Variants in PHYHIP observed in about 807,000 individuals in gnomAD.
PHYHIP encodes the protein phytanoyl-CoA hydroxylase-interacting protein.
PHYHIP carries 7 observed loss-of-function variants against 26.1 expected under a neutral mutation model. The ratio of observed to expected loss-of-function variants is 0.27; its 90% CI spans 0.15 to 0.50. The LOEUF (loss-of-function observed/expected upper bound fraction) is 0.50, where lower values mean the gene tolerates loss of function less well. Ranked by LOEUF, PHYHIP falls within the 20% of genes least tolerant of loss-of-function variation. The pLI, the probability that PHYHIP is intolerant of heterozygous loss-of-function variation, is 0.98. For synonymous variants in PHYHIP, 206 were observed against 183.4 expected, an observed-to-expected ratio of 1.12 and a Z score of -1.00; for missense variants, 232 against 454.7, an observed-to-expected ratio of 0.51 and a Z score of 4.45.
At chr8:22,231,673 G>A (rs1829870459) in intron 1 of PHYHIP, 123 bp downstream of exon 1, 1 of 152,312 alleles carries the variant, frequency 6.6e-6, no homozygotes, top group Non-Finnish European at 1.5e-5. Flanking sequence ...GGGGGAGAGG[G>A]GACAAGGTCG....
rs761651524 is a variant in PHYHIP, at chr8:22,221,012, A to T, written c.*341T>A. On this transcript the variant is annotated 3_prime_UTR_variant, in exon 5 of 5. Transcript: ENST00000454243. This position sits in a 1 kb window ranked among gnomAD's most constrained non-coding sequence, Gnocchi z 7.9. Reference sequence around the variant, plus strand: ...TGGCCCAGAGGGGCTTCCCTGGGAGAGCCCAGGAGGTGGGCAGGTCTTTGG... The same window carrying T: ...TGGCCCAGAGGGGCTTCCCTGGGAGTGCCCAGGAGGTGGGCAGGTCTTTGG... 8.1e-6 allele frequency: 2 copies of T among 247,822 alleles called. No homozygotes were observed. The highest frequency in any genetic ancestry group is 1.6e-5 in the Non-Finnish European group (2 of 127,698). The allele number at this position is 247,822 out of a possible 1,614,324, so 15.4% of individuals were successfully genotyped here.
intron 1 of PHYHIP, among the ~76,000 whole-genome samples, chr8:22,231,513 ACAGCCACCC>A (rs1376391426): frequency 6.6e-6 from 1 of 152,164 alleles, no homozygotes; most frequent in African/African-American, 2.4e-5. Context: ...GCCCATTCAA[ACAGCCACCC>A]TGCCACAGGG....
chr8:22,230,241 A>T (rs1224525294), intron 1 of PHYHIP, among the ~76,000 whole-genome samples: 1 of 150,762 alleles, frequency 6.6e-6, no homozygotes, highest in Non-Finnish European at 1.5e-5. Flanking sequence ...ACACAGACAC[A>T]CTCCTACCCA....
intron 3 of PHYHIP, among the ~76,000 whole-genome samples, chr8:22,225,543 G>A (rs918059219): frequency 4.6e-5 from 7 of 150,872 alleles, no homozygotes; most frequent in African/African-American, 1.2e-4. Context: ...GCCTGTAATC[G>A]CAGCACTTTG....
At position 22,221,719 on chromosome 8, in the gene PHYHIP, T is replaced by C. The variant is rs1410505941; in HGVS notation, c.627A>G (p.Pro209=). 3.7e-6 allele frequency: 6 copies of C among 1,613,114 alleles called. No homozygotes were observed. The highest frequency in any genetic ancestry group is 3.3e-5 in the Admixed American group (2 of 59,922). The change falls in exon 5 of 5, where the codon CCA becomes CCG. Residue 209 remains proline (P), a synonymous_variant. Coordinates refer to ENST00000454243, the MANE Select transcript of PHYHIP (RefSeq NM_014759.5). The surrounding 1 kb of genome is among the most constrained non-coding windows in gnomAD (Gnocchi z 7.9). ...SPYGRWRFQI[P]AQRLFNPSTN... is the part of the protein sequence containing the mutation. ...TGCTGGGATTGAAGAGGCGCTGAGC[T>C]GGGATCTGGAAGCGCCAGCGGCCGT...
In PHYHIP at chr8:22,224,098, A is replaced by T. The variant is rs889928149; in HGVS notation, c.458+128T>A. The T allele has an allele frequency of 1.7e-5, 12 of 686,920 alleles. No homozygotes were observed. In the African/African-American group the frequency reaches 1.9e-4, roughly 11 times the overall value. The allele number at this position is 686,920 out of a possible 1,614,324, so 42.6% of individuals were successfully genotyped here. ...AGAGCCAGCCTGGTGACGTCAGGAC[A>T]TGTCAACCCTAGAGGAGGGACTGGC... is the stretch of plus-strand genomic sequence containing the variant. On this transcript the variant is annotated intron_variant, in intron 4 of 4. Transcript: ENST00000454243.
chr8:22,223,024 G>T (rs1411999310), intron 4 of PHYHIP, among the ~76,000 whole-genome samples: 1 of 151,984 alleles, frequency 6.6e-6, no homozygotes, highest in Non-Finnish European at 1.5e-5. Flanking sequence ...AGACTCCCAA[G>T]GTCCTCACTG....
rs146023136 is a variant in PHYHIP, at chr8:22,221,055, G to A, written c.*298C>T. 28 of 361,928 alleles carry A rather than the reference G, an allele frequency of 7.7e-5. No homozygotes were observed. In the East Asian group the frequency reaches 1.1e-3, roughly 14 times the overall value. The allele number at this position is 361,928 out of a possible 1,614,324, so 22.4% of individuals were successfully genotyped here. ...GTCTTTGGGAGATAGAGACCTGGAC[G>A]AGGCAAAGAACAGTAGGACAAGGAA... On this transcript the variant is annotated 3_prime_UTR_variant, in exon 5 of 5. Transcript: ENST00000454243. The surrounding 1 kb of genome is among the most constrained non-coding windows in gnomAD (Gnocchi z 7.9).
chr8:22,224,449 C>T (rs935874088), intron 3 of PHYHIP, 106 bp from the exon 4 acceptor site: 16 of 703,332 alleles, frequency 2.3e-5, no homozygotes, highest in South Asian at 4.8e-5. Flanking sequence ...AACCTCTGTC[C>T]GCCAGAGCAG....
chr8:22,221,933 T>C lies in PHYHIP; in HGVS notation c.459-46A>G, dbSNP rs1829638715. On this transcript the variant is annotated intron_variant, in intron 4 of 4. Transcript: ENST00000454243. The surrounding 1 kb of genome is among the most constrained non-coding windows in gnomAD (Gnocchi z 7.9). The stretch of plus-strand genomic sequence containing the variant: ...CACCAAAGGGAAGAGAAGATGTGGC[T>C]GGTGAGCCGGGCTGAGGCTTGGCTG... 3 of 1,447,568 alleles carry C rather than the reference T, an allele frequency of 2.1e-6. No individual in the cohort carries two copies. The highest frequency in any genetic ancestry group is 1.4e-5 in the African/African-American group (1 of 70,752). 89.7% of individuals were successfully genotyped at this position (1,447,568 alleles called of 1,614,324 possible).
chr8:22,221,452 G>C lies in PHYHIP; in HGVS notation c.894C>G (p.Thr298=). ...YTEPVDLSLG[T]LGEISGHQLM... is the part of the protein sequence containing the mutation. ...GCTGGTGCCCACTGATCTCCCCCAG[G>C]GTGCCCAGGGACAGGTCGACGGGCT... Residue 298 remains threonine (T), a synonymous_variant, in exon 5 of 5, where the codon ACC becomes ACG. Coordinates refer to ENST00000454243, the MANE Select transcript of PHYHIP (RefSeq NM_014759.5). The surrounding 1 kb of genome is among the most constrained non-coding windows in gnomAD (Gnocchi z 7.9). 1 of 1,614,162 alleles carries C rather than the reference G, an allele frequency of 6.2e-7. No homozygotes were observed. The highest frequency in any genetic ancestry group is 8.5e-7 in the Non-Finnish European group (1 of 1,180,016).
rs570887409 is a variant in PHYHIP at position 22,231,351 on chromosome 8, A to G, written c.-30+445T>C. Among the ~76,000 whole-genome samples, 121 of 152,364 alleles carry G rather than the reference A, an allele frequency of 7.9e-4. 1 individual carries two copies. Among genetic ancestry groups the G allele is most frequent in the African/African-American group, 2.7e-3 (113 of 41,586 alleles). On this transcript the variant is annotated intron_variant, in intron 1 of 4. Coordinates refer to ENST00000454243, the MANE Select transcript of PHYHIP (RefSeq NM_014759.5). ...CACACACATGTACCTCACGTGTGCC[A>G]GAAAGATATGTTTCTAGACATGCCT...
chr8:22,230,972 C>T (rs138338104), intron 1 of PHYHIP, among the ~76,000 whole-genome samples: 3 of 152,344 alleles, frequency 2.0e-5, no homozygotes, highest in Non-Finnish European at 4.4e-5. Flanking sequence ...CCGGCACACA[C>T]ATGTGTGTTC....
intron 1 of PHYHIP, among the ~76,000 whole-genome samples, chr8:22,231,213 C>G (rs538746554): frequency 6.6e-6 from 1 of 152,026 alleles, no homozygotes; most frequent in Non-Finnish European, 1.5e-5. Context: ...ATATAGAAAG[C>G]CCCTGTCTGC....
intron 3 of PHYHIP, among the ~76,000 whole-genome samples, chr8:22,226,112 G>A (rs1401382773): frequency 6.6e-6 from 1 of 152,184 alleles, no homozygotes; most frequent in East Asian, 1.9e-4. Context: ...AAGAGAGTTT[G>A]CGGGGCCATT....
chr8:22,222,824 G>T (rs774287436), intron 4 of PHYHIP, among the ~76,000 whole-genome samples: 1 of 152,118 alleles, frequency 6.6e-6, no homozygotes, highest in Non-Finnish European at 1.5e-5. Context: ...CTGCAAGCTC[G>T]AACTCCTGGG....
chr8:22,226,350 T>C (rs1254793316), intron 3 of PHYHIP, among the ~76,000 whole-genome samples: 2 of 152,124 alleles, frequency 1.3e-5, no homozygotes, highest in Non-Finnish European at 2.9e-5. Flanking sequence ...GTCATATTCA[T>C]AGAAACAGAA....
At chr8:22,227,123 T>C in intron 2 of PHYHIP, 98 bp from the exon 3 acceptor site, 1 of 1,112,398 alleles carries the variant, frequency 9.0e-7, no homozygotes, top group South Asian at 1.6e-5. Context: ...GATGGCCCTG[T>C]TTCTCCTGAG....
In PHYHIP at chr8:22,220,285, C is replaced by T. The variant is rs115919099; in HGVS notation, c.*1068G>A. ...GGGAAGGACTTCACCAAGAACTCCC[C>T]GGGGAGGGGCTCCCGGCCAGCAGGG... On this transcript the variant is annotated 3_prime_UTR_variant, in exon 5 of 5. Coordinates refer to ENST00000454243, the MANE Select transcript of PHYHIP (RefSeq NM_014759.5). The T allele has an allele frequency of 0.017, 2,594 of 152,446 alleles. 72 individuals carry two copies. Among genetic ancestry groups the T allele is most frequent in the African/African-American group, 0.057 (2,383 of 41,520 alleles). 9.4% of individuals were successfully genotyped at this position (152,446 alleles called of 1,614,324 possible).
Sources: allele counts gnomAD v4.1 joint callset (sites outside exome capture counted in the v4.1 genomes callset), GRCh38; gene constraint gnomAD v4.1.1; non-coding constraint Gnocchi (gnomAD v3.1); transcripts MANE v1.5; gene names NCBI Gene and HGNC (gene_info 2026-07-23, HGNC 2026-07-21).